The following SGCA variants were observed in gnomAD, a reference collection of about 807,000 sequenced individuals.
The protein encoded by SGCA is alpha-sarcoglycan.
A neutral mutation model predicts 38.1 loss-of-function variants in SGCA; 34 were observed. The ratio of observed to expected loss-of-function variants is 0.89; its 90% confidence interval spans 0.68 to 1.19. The LOEUF is 1.19. SGCA is among the 50% of genes most tolerant of loss of function. The pLI, the probability that SGCA is intolerant of heterozygous loss-of-function variation, is 0.00. For synonymous variants in SGCA, 209 were observed against 214.6 expected (o/e 0.97, Z 0.23); for missense variants, 476 against 524.9 (o/e 0.91, Z 0.91).
chr17:50,167,544 C>T lies in SGCA; in HGVS notation c.158-38C>T. 1 of 1,613,986 alleles carries T rather than the reference C, an allele frequency of 6.2e-7. No homozygotes were observed. Among genetic ancestry groups the T allele is most frequent in the Non-Finnish European group, 8.5e-7 (1 of 1,180,024 alleles). Reference sequence around the variant, plus strand: ...GGCTGGGGTGTACCCCGCAGGGCTCCTGCTGTGACTCGAATCCCCTCTCCT... The same window carrying T: ...GGCTGGGGTGTACCCCGCAGGGCTCTTGCTGTGACTCGAATCCCCTCTCCT... On this transcript the variant is annotated intron_variant, in intron 2 of 9. Coordinates refer to ENST00000262018, the MANE Select transcript of SGCA (RefSeq NM_000023.4). This position sits in a 1 kb window ranked among gnomAD's most constrained non-coding sequence, Gnocchi z 4.5.
At position 50,167,649 on chromosome 17, in the gene SGCA, G is replaced by A; in HGVS notation, c.225G>A (p.Trp75Ter). The change falls in exon 3 of 10, where the codon TGG becomes TGA. Residue 75 changes from tryptophan to a stop codon, truncating the protein, a stop_gained. Transcript: ENST00000262018. LOFTEE classifies it high-confidence loss of function. This position sits in a 1 kb window ranked among gnomAD's most constrained non-coding sequence, Gnocchi z 4.5. The stretch of plus-strand genomic sequence containing the variant: ...AGGGACACCCAGACCTGCCCCGGTG[G>A]CTCCGCTACACCCAGCGCAGCCCCC... ...HLQGHPDLPR[W>*]LRYTQRSPHH... 6.2e-7 allele frequency: 1 copy of A among 1,613,812 alleles called. No individual in the cohort carries two copies.
At chr17:50,172,576 G>T (rs938297526) in intron 8 of SGCA, 3 of 282,158 alleles carry the variant, frequency 1.1e-5, no homozygotes, top group Non-Finnish European at 2.1e-5. Flanking sequence ...AGACTCCCTG[G>T]GCTCAAGCGA....
rs753386774 is a variant in SGCA at position 50,168,445 on chromosome 17, C to A, written c.457C>A (p.Pro153Thr). The A allele has an allele frequency of 2.5e-6, 4 of 1,589,050 alleles. No individual in the cohort carries two copies. The highest frequency in any genetic ancestry group is 2.6e-6 in the Non-Finnish European group (3 of 1,167,668). The change falls in exon 5 of 10, where the codon CCT becomes ACT. Residue 153 changes from proline (P) to threonine (T), a missense_variant. By Grantham distance (38) the Pro-to-Thr change is conservative. Coordinates refer to ENST00000262018, the MANE Select transcript of SGCA (RefSeq NM_000023.4). ...HDAEEVLPSTPASRFLSALGG... is the reference protein window; with the variant it reads ...HDAEEVLPSTTASRFLSALGG... Reference sequence around the variant, plus strand: ...TGCGGAGGAGGTGCTGCCCTCAACACCTGCCAGCCGCTTCCTCTCAGCCTT... The same window carrying A: ...TGCGGAGGAGGTGCTGCCCTCAACAACTGCCAGCCGCTTCCTCTCAGCCTT...
chr17:50,173,459 C>A (rs1485792508), intron 8 of SGCA, among the ~76,000 whole-genome samples: 3 of 148,412 alleles, frequency 2.0e-5, no homozygotes, highest in Non-Finnish European at 3.0e-5. Flanking sequence ...TGTCTGTCTG[C>A]CCAAGTGCTG....
rs1163084157 is a variant in SGCA, at chr17:50,167,029, AC to A, written c.38-332del. Among the ~76,000 whole-genome samples, 3 of 102,674 alleles carry A rather than the reference AC, an allele frequency of 2.9e-5. No individual in the cohort carries two copies. The highest frequency in any genetic ancestry group is 4.0e-5 in the Non-Finnish European group (2 of 49,648). 67.4% of individuals were successfully genotyped at this position (102,674 alleles called of 152,430 possible). A position where few individuals can be genotyped will look rare whatever the true frequency, so the allele number is the denominator to read the frequency against. On this transcript the variant is annotated intron_variant, in intron 1 of 9. Transcript: ENST00000262018. This position sits in a 1 kb window ranked among gnomAD's most constrained non-coding sequence, Gnocchi z 4.5. The stretch of plus-strand genomic sequence containing the variant: ...CCCTCACACATACCTTCACACACAC[AC>A]CCCCCCACATCCCCTCACACACACA...
In SGCA at chr17:50,167,373, C is replaced by G. The variant is rs748856279; in HGVS notation, c.43C>G (p.Leu15Val). The change falls in exon 2 of 10, where the codon CTG becomes GTG. Residue 15 changes from leucine to valine, a missense_variant. Coordinates refer to ENST00000262018, the MANE Select transcript of SGCA (RefSeq NM_000023.4). This position sits in a 1 kb window ranked among gnomAD's most constrained non-coding sequence, Gnocchi z 4.5. The part of the protein sequence containing the change: ...LFWTPLLVVL[L>V]AGLGDTEAQQ... The stretch of plus-strand genomic sequence containing the variant: ...GACTTGTGGGGTCCCCACAGTTCTC[C>G]TGGCAGGGCTGGGGGACACCGAGGC... The G allele has an allele frequency of 2.5e-6, 4 of 1,613,986 alleles. No homozygotes were observed. In the Admixed American group the frequency reaches 6.7e-5, roughly 27 times the overall value.
intron 6 of SGCA, 85 bp downstream of exon 6, chr17:50,169,339 C>T (rs1379735949): frequency 8.2e-7 from 1 of 1,218,134 alleles, no homozygotes; most frequent in Non-Finnish European, 1.2e-6. Context: ...CTTCCTATCT[C>T]CGTCTCTCTG....
In SGCA at chr17:50,169,108, G is replaced by A. The variant is rs2144498121; in HGVS notation, c.601G>A (p.Gly201Ser). Residue 201 changes from glycine to serine, a missense_variant, in exon 6 of 10, where the codon GGT becomes AGT. Transcript: ENST00000262018. Reference protein sequence around the residue: ...GRKEGVYIKVGSASPFSTCLK... With the variant: ...GRKEGVYIKVSSASPFSTCLK... Reference sequence around the variant, plus strand: ...TGGTCCCAGGGTATACATTAAGGTGGGTTCTGCCTCACCTTTTTCTACTTG... The same window carrying A: ...TGGTCCCAGGGTATACATTAAGGTGAGTTCTGCCTCACCTTTTTCTACTTG... 3 of 1,613,826 alleles carry A rather than the reference G, an allele frequency of 1.9e-6. No homozygotes were observed. The South Asian group carries it at 3.3e-5, about 18-fold the overall frequency.
chr17:50,167,883 C>A lies in SGCA; in HGVS notation c.313-64C>A. On this transcript the variant is annotated intron_variant, in intron 3 of 9. Transcript: ENST00000262018. The surrounding 1 kb of genome is among the most constrained non-coding windows in gnomAD (Gnocchi z 4.5). Reference sequence around the variant, plus strand: ...ATTTGGTATCTGAGTCCTCTCCTGCCAGGCCCCCGCTGTGCCACGTTTCTC... The same window carrying A: ...ATTTGGTATCTGAGTCCTCTCCTGCAAGGCCCCCGCTGTGCCACGTTTCTC... The A allele has an allele frequency of 6.4e-7, 1 of 1,557,014 alleles. No homozygotes were observed. Among genetic ancestry groups the A allele is most frequent in the Non-Finnish European group, 8.9e-7 (1 of 1,128,114 alleles).
rs1213521405 is a variant in SGCA, at chr17:50,167,141, G to T, written c.38-227G>T. 1.3e-5 allele frequency among the ~76,000 whole-genome samples: 2 copies of T among 152,062 alleles called. No individual in the cohort carries two copies. The highest frequency in any genetic ancestry group is 4.8e-5 in the African/African-American group (2 of 41,362). Reference sequence around the variant, plus strand: ...AGGGGCCTAAAACAAGGAATGGAAAGGTTGTGGGAGAGGTTCTCCCTCGAA... The same window carrying T: ...AGGGGCCTAAAACAAGGAATGGAAATGTTGTGGGAGAGGTTCTCCCTCGAA... On this transcript the variant is annotated intron_variant, in intron 1 of 9. Coordinates refer to ENST00000262018, the MANE Select transcript of SGCA (RefSeq NM_000023.4). This position sits in a 1 kb window ranked among gnomAD's most constrained non-coding sequence, Gnocchi z 4.5.
chr17:50,169,414 TACACAC>T (rs3138607), intron 6 of SGCA, 160 bp downstream of exon 6: 27 of 481,332 alleles, frequency 5.6e-5, no homozygotes, highest in Middle Eastern at 5.4e-4. Context: ...AGTCTGAGGA[TACACAC>T]ACACACACAC....
At chr17:50,168,119 A>G in intron 4 of SGCA, 100 bp downstream of exon 4, 1 of 1,179,262 alleles carries the variant, frequency 8.5e-7, no homozygotes, top group Non-Finnish European at 1.3e-6. Context: ...CTTGGAGAGG[A>G]GTGGAGCAGG....
Position 50,167,974 on chromosome 17 carries a change from G to C in SGCA, c.340G>C (p.Asp114His). Residue 114 changes from aspartate to histidine, a missense_variant, in exon 4 of 10, where the codon GAT becomes CAT. By Grantham distance (81) the Asp-to-His change is moderately conservative. Transcript: ENST00000262018. This position sits in a 1 kb window ranked among gnomAD's most constrained non-coding sequence, Gnocchi z 4.5. ...CACAGCCTACAATCGGGACAGCTTT[G>C]ATACCACTCGGCAGAGGCTGGTGCT... The part of the protein sequence containing the change: ...EVTAYNRDSF[D>H]TTRQRLVLEI... The C allele has an allele frequency of 6.2e-7, 1 of 1,614,166 alleles. No individual in the cohort carries two copies. Among genetic ancestry groups the C allele is most frequent in the Non-Finnish European group, 8.5e-7 (1 of 1,180,030 alleles).
chr17:50,172,431 C>CGGT (rs1230235405), intron 8 of SGCA: 3 of 399,208 alleles, frequency 7.5e-6, no homozygotes, highest in African/African-American at 6.2e-5. Context: ...CGGGCCTGCA[C>CGGT]GGTGCGTGCA....
In SGCA at chr17:50,169,091, G is replaced by A. The variant is rs1342189589; in HGVS notation, c.585-1G>A. The A allele has an allele frequency of 6.2e-7, 1 of 1,613,608 alleles. No homozygotes were observed. Among genetic ancestry groups the A allele is most frequent in the African/African-American group, 1.3e-5 (1 of 74,884 alleles). Reference sequence around the variant, plus strand: ...TGACAGTGACTTCTATCTGGTCCCAGGGTATACATTAAGGTGGGTTCTGCC... The same window carrying A: ...TGACAGTGACTTCTATCTGGTCCCAAGGTATACATTAAGGTGGGTTCTGCC... On this transcript the variant is annotated splice_acceptor_variant, in intron 5 of 9. Transcript: ENST00000262018. LOFTEE classifies it high-confidence loss of function.
intron 8 of SGCA, 122 bp downstream of exon 8, chr17:50,170,788 T>C: frequency 2.4e-6 from 2 of 840,676 alleles, no homozygotes; most frequent in East Asian, 5.4e-5. Flanking sequence ...TGCTCACCCC[T>C]TCCCTTGACC....
At chr17:50,173,070 T>C (rs1162459494) in intron 8 of SGCA, among the ~76,000 whole-genome samples, 1 of 152,250 alleles carries the variant, frequency 6.6e-6, no homozygotes, top group African/African-American at 2.4e-5. Context: ...GGGTCAACTC[T>C]GTAGCTCTGA....
At position 50,168,208 on chromosome 17, in the gene SGCA, G is replaced by A. The variant is rs11870423; in HGVS notation, c.386-166G>A. ...TCCAGGCTCTGGAGTTCTGTTACTC[G>A]CTGCGTTGCAGAGACTATTGGGACT... On this transcript the variant is annotated intron_variant, in intron 4 of 9. Coordinates refer to ENST00000262018, the MANE Select transcript of SGCA (RefSeq NM_000023.4). Among the ~76,000 whole-genome samples, 5,665 of 152,286 alleles carry A rather than the reference G, an allele frequency of 0.037. 197 individuals carry two copies. Among genetic ancestry groups the A allele is most frequent in the Admixed American group, 0.1 (1,579 of 15,296 alleles).
chr17:50,172,469 G>A, intron 8 of SGCA: 1 of 328,762 alleles, frequency 3.0e-6, no homozygotes, highest in South Asian at 2.4e-5. Context: ...GCACATGCCT[G>A]GGCGGATTTT....
Sources: gnomAD v4.1 joint callset for allele counts (sites outside exome capture counted in the v4.1 genomes callset) on GRCh38, gnomAD v4.1.1 for gene constraint, Gnocchi (gnomAD v3.1) non-coding constraint, MANE v1.5 for transcripts, NCBI Gene and HGNC (gene_info 2026-07-23, HGNC 2026-07-21) for gene names.